The following AFF3 variants were observed in gnomAD, a reference collection of about 807,000 sequenced individuals.
AFF3 encodes the protein AF4/FMR2 family member 3.
In AFF3, 32 loss-of-function variants were observed where a neutral mutation model predicts 129.7. The ratio of observed to expected loss-of-function variants is 0.25; its 90% CI spans 0.19 to 0.33. The LOEUF (loss-of-function observed/expected upper bound fraction) is 0.33. AFF3 is among the 10% of genes least tolerant of loss of function. The pLI, the probability that AFF3 is intolerant of heterozygous loss-of-function variation, is 1.00. For missense variants in AFF3, 1,373 were observed against 1,592.0 expected, an observed-to-expected ratio of 0.86 and a Z score of 2.34; for synonymous variants, 644 against 635.4, an observed-to-expected ratio of 1.01 and a Z score of -0.20.
intron 4 of AFF3, among the ~76,000 whole-genome samples, chr2:100,046,021 G>T (rs1003029626): frequency 2.0e-5 from 3 of 152,126 alleles, no homozygotes. Context: ...CCCCAGAGCT[G>T]TTCAAGGGTC....
intron 13 of AFF3, among the ~76,000 whole-genome samples, chr2:99,646,182 G>A (rs546551472): frequency 7.2e-5 from 11 of 152,120 alleles, no homozygotes; most frequent in African/African-American, 2.4e-4. Flanking sequence ...AAATAGCTCC[G>A]GCCTTGTCTA....
At chr2:100,134,754 A>G (rs1253794741) in intron 1 of AFF3, among the ~76,000 whole-genome samples, 1 of 152,218 alleles carries the variant, frequency 6.6e-6, no homozygotes, top group Non-Finnish European at 1.5e-5. Flanking sequence ...CTGAAAAGTT[A>G]TCCAATCGTT....
chr2:99,993,440 T>A (rs1370684962), intron 7 of AFF3, among the ~76,000 whole-genome samples: 6 of 152,090 alleles, frequency 3.9e-5, no homozygotes, highest in Non-Finnish European at 8.8e-5. Context: ...CAGAAAAGAA[T>A]AATTTAAGTA....
At chr2:100,011,287 G>C (rs1219647415) in intron 4 of AFF3, among the ~76,000 whole-genome samples, 2 of 152,036 alleles carry the variant, frequency 1.3e-5, no homozygotes, top group Non-Finnish European at 2.9e-5. Context: ...AGAAAAAAAA[G>C]CTTGCACAGC....
In AFF3 at chr2:99,837,631, T is replaced by TTACA. The variant is rs1424115550; in HGVS notation, c.874-111_874-108dup. On this transcript the variant is annotated intron_variant, in intron 7 of 24. Coordinates refer to ENST00000672756, the MANE Select transcript of AFF3 (RefSeq NM_001386135.1). The stretch of plus-strand genomic sequence containing the variant: ...CCCCCCAACAAAAAAATTCAGCGAG[T>TTACA]TACAGGTTGAGGGGATGCCTGACCT... 20 of 1,017,682 alleles carry TTACA rather than the reference T, an allele frequency of 2.0e-5. No individual in the cohort carries two copies. In the South Asian group the frequency reaches 2.7e-4, roughly 14 times the overall value. 63.0% of individuals were successfully genotyped at this position (1,017,682 alleles called of 1,614,324 possible).
intron 7 of AFF3, among the ~76,000 whole-genome samples, chr2:99,926,869 A>T (rs1161268270): frequency 1.3e-5 from 2 of 152,138 alleles, no homozygotes; most frequent in South Asian, 4.2e-4. Context: ...AAAAAACATA[A>T]TTTTTTTAAG....
chr2:100,019,719 G>C (rs1228866587), intron 4 of AFF3, among the ~76,000 whole-genome samples: 1 of 152,172 alleles, frequency 6.6e-6, no homozygotes, highest in Non-Finnish European at 1.5e-5. Context: ...GCAGAATCGG[G>C]ATGTGAGGTC....
chr2:99,988,666 G>A (rs1027849551), intron 7 of AFF3, among the ~76,000 whole-genome samples: 4 of 152,078 alleles, frequency 2.6e-5, no homozygotes, highest in African/African-American at 9.7e-5. Flanking sequence ...GTCTCGAGGG[G>A]GCTGATAAGC....
intron 8 of AFF3, among the ~76,000 whole-genome samples, chr2:99,765,970 TC>T (rs1410067756): frequency 1.3e-5 from 2 of 152,210 alleles, no homozygotes; most frequent in Non-Finnish European, 1.5e-5. Context: ...TCAGCATACA[TC>T]CTCTTTCTAG....
intron 4 of AFF3, among the ~76,000 whole-genome samples, chr2:100,095,718 T>C (rs1294906998): frequency 6.6e-6 from 1 of 152,214 alleles, no homozygotes; most frequent in Non-Finnish European, 1.5e-5. Flanking sequence ...CTTAGAAAGA[T>C]AAAGTCAATA....
intron 15 of AFF3, 121 bp from the exon 16 acceptor site, chr2:99,587,399 G>A: frequency 8.3e-7 from 1 of 1,202,560 alleles, no homozygotes; most frequent in Non-Finnish European, 1.2e-6. Flanking sequence ...CTTCCCCGAA[G>A]CACAGCCTGA....
chr2:99,637,049 C>T (rs967584714), intron 13 of AFF3, among the ~76,000 whole-genome samples: 3 of 151,880 alleles, frequency 2.0e-5, no homozygotes, highest in Non-Finnish European at 2.9e-5. Context: ...TGGGACTGTT[C>T]CAGGGGTGGG....
chr2:99,573,345 T>C (rs532472479), intron 18 of AFF3, among the ~76,000 whole-genome samples: 3 of 152,302 alleles, frequency 2.0e-5, no homozygotes, highest in African/African-American at 7.2e-5. Context: ...GACAGGGATT[T>C]CATAATGGGA....
intron 7 of AFF3, among the ~76,000 whole-genome samples, chr2:99,922,352 G>C (rs533045017): frequency 4.0e-4 from 61 of 152,242 alleles, no homozygotes; most frequent in African/African-American, 1.4e-3. Context: ...AGCCAACTGC[G>C]CTTTATTTAT....
rs1001178684 is a variant in AFF3 at position 99,746,614 on chromosome 2, T to C, written c.1003-2474A>G. Among the ~76,000 whole-genome samples, 5 of 152,338 alleles carry C rather than the reference T, an allele frequency of 3.3e-5. No individual in the cohort carries two copies. In the South Asian group the frequency reaches 8.3e-4, roughly 25 times the overall value. The stretch of plus-strand genomic sequence containing the variant: ...GAGATTCAGTTTTTGGAAATGATTA[T>C]ATGAAGATGAAATATCGTTCCTGAA... On this transcript the variant is annotated intron_variant, in intron 9 of 24. Coordinates refer to ENST00000672756, the MANE Select transcript of AFF3 (RefSeq NM_001386135.1).
In AFF3 at chr2:99,547,800, A is replaced by G. The variant is rs931303938; in HGVS notation, c.*3674T>C. ...TTTATACAAACTGTGTATATTATGT[A>G]TGGGGTGTCAGAAATGTACACATCA... On this transcript the variant is annotated 3_prime_UTR_variant, in exon 25 of 25. Coordinates refer to ENST00000672756, the MANE Select transcript of AFF3 (RefSeq NM_001386135.1). The G allele has an allele frequency of 4.8e-6, 1 of 210,332 alleles. No individual in the cohort carries two copies. The highest frequency in any genetic ancestry group is 5.9e-5 in the Admixed American group (1 of 16,952). The allele number at this position is 210,332 out of a possible 1,614,324, so 13.0% of individuals were successfully genotyped here. A position where few individuals can be genotyped will look rare whatever the true frequency, so the allele number is the denominator to read the frequency against.
rs566708444 is a variant in AFF3 at position 99,546,693 on chromosome 2, C to T, written c.*4781G>A. ...TTCATGTCAAGCCACTGGTCTAATGCCTCCGTCTTCTTTAGTTCAAAATTA... is the reference window on the plus strand; with the variant it reads ...TTCATGTCAAGCCACTGGTCTAATGTCTCCGTCTTCTTTAGTTCAAAATTA... On this transcript the variant is annotated 3_prime_UTR_variant, in exon 25 of 25. Transcript: ENST00000672756. The T allele has an allele frequency of 1.6e-4, 37 of 229,308 alleles. No individual in the cohort carries two copies. The highest frequency in any genetic ancestry group is 7.1e-4 in the African/African-American group (32 of 45,222). The allele number at this position is 229,308 out of a possible 1,614,324, so 14.2% of individuals were successfully genotyped here.
Position 99,593,363 on chromosome 2 carries a change from G to C in AFF3, c.2298C>G (p.Leu766=), listed in dbSNP as rs143928698. ...PLKDSDEIRS[L]WVKIDLTLLS... is the part of the protein sequence containing the mutation. The stretch of plus-strand genomic sequence containing the variant: ...GGAGGGTCAGGTCGATTTTGACCCA[G>C]AGAGACCTGATCTCATCACTGTCCT... Residue 766 remains leucine, a synonymous_variant, in exon 15 of 25, where the codon CTC becomes CTG. Coordinates refer to ENST00000672756, the MANE Select transcript of AFF3 (RefSeq NM_001386135.1). The C allele has an allele frequency of 2.5e-6, 4 of 1,613,962 alleles. No homozygotes were observed. In the African/African-American group the frequency reaches 4.0e-5, roughly 16 times the overall value.
rs552670889 is a variant in AFF3 at position 99,928,074 on chromosome 2, G to A, written c.873+78558C>T. The stretch of plus-strand genomic sequence containing the variant: ...TGTGACTTGCTCCTCCTTGCCTTCC[G>A]CCATGATTGTGAGGCCTCCCTAGCC... On this transcript the variant is annotated intron_variant, in intron 7 of 24. Transcript: ENST00000672756. Among the ~76,000 whole-genome samples the A allele has an allele frequency of 1.4e-4, 21 of 152,244 alleles. No individual in the cohort carries two copies. In the East Asian group the frequency reaches 3.3e-3, roughly 24 times the overall value.
Sources: allele counts gnomAD v4.1 joint callset (sites outside exome capture counted in the v4.1 genomes callset), GRCh38; gene constraint gnomAD v4.1.1; transcripts MANE v1.5; gene names NCBI Gene and HGNC (gene_info 2026-07-23, HGNC 2026-07-21).